CASD1: variants seen among roughly 807,000 people sequenced by gnomAD.
CASD1 encodes CAS1 domain sialic acid O acetyltransferase 1, also known as N-acetylneuraminate (7)9-O-acetyltransferase.
In CASD1, 41 loss-of-function variants were observed where a neutral mutation model predicts 100.0. That is an observed-to-expected ratio of 0.41 (90% confidence interval 0.32 to 0.53). CASD1 has a LOEUF of 0.53. Among genes scored for constraint, CASD1 ranks in the 20% least tolerant of loss-of-function variants. The pLI is 0.25. For missense variants in CASD1, 774 were observed against 948.7 expected, an observed-to-expected ratio of 0.82 and a Z score of 2.42; for synonymous variants, 321 against 315.6, an observed-to-expected ratio of 1.02 and a Z score of -0.18.
the CASD1 span, chr7:94,603,400 C>T: frequency 4.3e-6 from 7 of 1,613,366 alleles, no homozygotes; most frequent in Non-Finnish European, 5.9e-6. Flanking sequence ...GGATTTTCAA[C>T]TTCTCGTAAA....
chr7:94,569,440 A>T, the CASD1 span, among the ~76,000 whole-genome samples: 73 of 152,286 alleles, frequency 4.8e-4, no homozygotes, highest in African/African-American at 1.7e-3. Flanking sequence ...TGAAAAAAAA[A>T]TTTCAGAAAT....
the CASD1 span, among the ~76,000 whole-genome samples, chr7:94,570,516 A>T: frequency 6.6e-6 from 1 of 151,896 alleles, no homozygotes; most frequent in African/African-American, 2.4e-5. Flanking sequence ...TGGCGGGGGG[A>T]TGGAGTCTCC....
At chr7:94,522,302 A>G (rs1562934416) in intron 3 of CASD1, among the ~76,000 whole-genome samples, 1 of 152,270 alleles carries the variant, frequency 6.6e-6, no homozygotes. Flanking sequence ...TCATATTAGT[A>G]TAAGATAAAT....
the CASD1 span, chr7:94,586,900 A>G: frequency 4.1e-6 from 4 of 984,840 alleles, no homozygotes; most frequent in Non-Finnish European, 4.8e-6. Flanking sequence ...GGCACTTAAG[A>G]TATTTTGGGG....
chr7:94,517,388 A>C (rs1794032534), intron 1 of CASD1, among the ~76,000 whole-genome samples, 172 bp from the exon 2 acceptor site: 1 of 152,190 alleles, frequency 6.6e-6, no homozygotes, highest in African/African-American at 2.4e-5. Flanking sequence ...CTTGAATATT[A>C]ATGTATTAAT....
chr7:94,615,681 A>G, the CASD1 span, among the ~76,000 whole-genome samples: 1 of 152,158 alleles, frequency 6.6e-6, no homozygotes, highest in African/African-American at 2.4e-5. Flanking sequence ...TGCTTTGGTA[A>G]CCAGAGGAAA....
Position 94,542,465 on chromosome 7 carries a change from T to C in CASD1, c.1357-1946T>C, listed in dbSNP as rs563652190. On this transcript the variant is annotated intron_variant, in intron 10 of 17. Coordinates refer to ENST00000297273, the MANE Select transcript of CASD1 (RefSeq NM_022900.5). ...ATCTCATGTTGAAATATTTTGAACA[T>C]ATTGAGTTAAATAAAATATATTTAT... Among the ~76,000 whole-genome samples the C allele has an allele frequency of 1.2e-4, 18 of 152,334 alleles. No homozygotes were observed. In the East Asian group the frequency reaches 3.3e-3, roughly 28 times the overall value.
the CASD1 span, chr7:94,585,405 GA>G: frequency 8.9e-7 from 1 of 1,119,744 alleles, no homozygotes. Context: ...ACATATGCCA[GA>G]AAAGCTCATG....
chr7:94,525,649 A>T (rs916242890), intron 3 of CASD1, among the ~76,000 whole-genome samples: 1 of 152,194 alleles, frequency 6.6e-6, no homozygotes, highest in Non-Finnish European at 1.5e-5. Context: ...AAGGTTGAGG[A>T]TGTGGTAGAA....
Position 94,510,205 on chromosome 7 carries a change from C to A in CASD1, c.121C>A (p.Arg41Ser), listed in dbSNP as rs975049402. 8 of 1,510,908 alleles carry A rather than the reference C, an allele frequency of 5.3e-6. No homozygotes were observed. The highest frequency in any genetic ancestry group is 7.1e-6 in the Non-Finnish European group (8 of 1,127,360). The allele number at this position is 1,510,908 out of a possible 1,614,324, so 93.6% of individuals were successfully genotyped here. A position where few individuals can be genotyped will look rare whatever the true frequency, so the allele number is the denominator to read the frequency against. Residue 41 changes from arginine (R) to serine (S), a missense_variant, in exon 1 of 18, where the codon CGC (arginine) becomes AGC (serine). Transcript: ENST00000297273. The stretch of plus-strand genomic sequence containing the variant: ...GCTCGCAGCGTGCCACCTCGCCTCC[C>A]GCCGCTACCGAGGTGAGCGGGCCCT... ...LLLAACHLAS[R>S]RYRGNDSCEY...
In CASD1 at chr7:94,557,003, G is replaced by A. The variant is rs1478467266; in HGVS notation, c.*1245G>A. On this transcript the variant is annotated 3_prime_UTR_variant, in exon 18 of 18. Transcript: ENST00000297273. ...TGGCAAAGTATCAATTAAACTATATGTGTTCTTTTTCAAAAATGCTGGATC... is the reference window on the plus strand; with the variant it reads ...TGGCAAAGTATCAATTAAACTATATATGTTCTTTTTCAAAAATGCTGGATC... The A allele has an allele frequency of 6.6e-6, 1 of 151,946 alleles. No homozygotes were observed. Among genetic ancestry groups the A allele is most frequent in the Non-Finnish European group, 1.5e-5 (1 of 67,926 alleles). The allele number at this position is 151,946 out of a possible 1,614,324, so 9.4% of individuals were successfully genotyped here.
chr7:94,552,299 G>C, intron 15 of CASD1, 51 bp from the exon 16 acceptor site: 1 of 1,208,620 alleles, frequency 8.3e-7, no homozygotes, highest in Non-Finnish European at 1.2e-6. Flanking sequence ...TGAGGCTTAT[G>C]CCTCTTCCAG....
the CASD1 span, among the ~76,000 whole-genome samples, chr7:94,608,383 G>C: frequency 6.6e-6 from 1 of 152,130 alleles, no homozygotes; most frequent in Non-Finnish European, 1.5e-5. Flanking sequence ...TACAAGATCT[G>C]TATGAGGAAG....
the CASD1 span, among the ~76,000 whole-genome samples, chr7:94,569,967 C>T: frequency 6.6e-6 from 1 of 151,944 alleles, no homozygotes; most frequent in Admixed American, 6.6e-5. Context: ...GTGCCCGCCA[C>T]CATGCCCAGC....
chr7:94,537,399 A>G (rs183478728), intron 8 of CASD1, 73 bp from the exon 9 acceptor site: 3 of 1,362,448 alleles, frequency 2.2e-6, no homozygotes, highest in East Asian at 4.6e-5. Context: ...ACTCAGTAGT[A>G]TTCACAGGAG....
chr7:94,601,062 A>G, the CASD1 span, among the ~76,000 whole-genome samples: 1 of 152,166 alleles, frequency 6.6e-6, no homozygotes, highest in Non-Finnish European at 1.5e-5. Flanking sequence ...ACTTTGGTCT[A>G]CTTTCTATGT....
In CASD1 at chr7:94,528,259, T is replaced by G. The variant is rs1794671725; in HGVS notation, c.459+9T>G. On this transcript the variant is annotated intron_variant, in intron 5 of 17. Coordinates refer to ENST00000297273, the MANE Select transcript of CASD1 (RefSeq NM_022900.5). ...TCAAAGTGTGGACTGAGGTCTGTATTTAAAAAACATAGGCTTTTTTTTTTT... is the reference window on the plus strand; with the variant it reads ...TCAAAGTGTGGACTGAGGTCTGTATGTAAAAAACATAGGCTTTTTTTTTTT... 1 of 1,552,826 alleles carries G rather than the reference T, an allele frequency of 6.4e-7. No individual in the cohort carries two copies.
the CASD1 span, among the ~76,000 whole-genome samples, chr7:94,569,385 G>A: frequency 6.6e-6 from 1 of 152,166 alleles, no homozygotes; most frequent in African/African-American, 2.4e-5. Context: ...AAAGAATGGG[G>A]AGATTATGTA....
At chr7:94,532,629 G>A (rs1180950466) in intron 5 of CASD1, among the ~76,000 whole-genome samples, 1 of 152,148 alleles carries the variant, frequency 6.6e-6, no homozygotes, top group Non-Finnish European at 1.5e-5. Context: ...TGAAACAGTG[G>A]AAACTGAAAC....
Sources: allele counts gnomAD v4.1 joint callset (sites outside exome capture counted in the v4.1 genomes callset), GRCh38; gene constraint gnomAD v4.1.1; transcripts MANE v1.5; gene names NCBI Gene and HGNC (gene_info 2026-07-23, HGNC 2026-07-21).